Variants in PTPRT observed in about 807,000 individuals in gnomAD.
PTPRT encodes protein tyrosine phosphatase receptor type T.
PTPRT carries 56 observed loss-of-function variants against 176.8 expected under a neutral mutation model. The observed-to-expected ratio is 0.32, with a 90% CI of 0.26 to 0.40. The LOEUF is 0.40. Ranked by LOEUF, PTPRT falls within the 10% of genes least tolerant of loss-of-function variation. PTPRT has a pLI of 1.00. For missense variants in PTPRT, 1,540 were observed against 1,908.2 expected (o/e 0.81, Z 3.60); for synonymous variants, 783 against 739.0 (o/e 1.06, Z -0.96).
At chr20:42,705,158 T>C (rs557563593) in intron 6 of PTPRT, among the ~76,000 whole-genome samples, 13 of 152,198 alleles carry the variant, frequency 8.5e-5, no homozygotes, top group African/African-American at 2.2e-4. Flanking sequence ...TGAGCCAAGA[T>C]TGCACTACTG....
intron 2 of PTPRT, among the ~76,000 whole-genome samples, chr20:42,850,939 C>G (rs185367323): frequency 8.7e-4 from 132 of 152,262 alleles, no homozygotes; most frequent in African/African-American, 2.4e-3. Flanking sequence ...GGTCTCACTC[C>G]CCACAGACAT....
At chr20:42,722,432 T>G (rs752488161) in intron 6 of PTPRT, among the ~76,000 whole-genome samples, 3 of 152,210 alleles carry the variant, frequency 2.0e-5, no homozygotes, top group Non-Finnish European at 4.4e-5. Flanking sequence ...AAATAGTCTC[T>G]TCTCTGATCT....
the PTPRT span, among the ~76,000 whole-genome samples, chr20:42,037,562 A>G: frequency 1.1e-4 from 16 of 152,298 alleles, no homozygotes; most frequent in African/African-American, 3.8e-4. Context: ...GGGCTAGACA[A>G]GGGCAGGAGG....
chr20:42,330,870 A>T (rs1224793091), intron 11 of PTPRT, among the ~76,000 whole-genome samples: 1 of 152,190 alleles, frequency 6.6e-6, no homozygotes. Flanking sequence ...ACCTAAAAAG[A>T]AATGTGTTGG....
chr20:42,071,507 G>A (rs1600439618), downstream of PTPRT, among the ~76,000 whole-genome samples: 1 of 152,054 alleles, frequency 6.6e-6, no homozygotes, highest in East Asian at 1.9e-4. Context: ...CTCCTATCCT[G>A]GACCTATTGA....
At chr20:42,059,536 T>C in the PTPRT span, among the ~76,000 whole-genome samples, 18,902 of 152,206 alleles carry the variant, frequency 0.12, 2,982 homozygotes, top group African/African-American at 0.37. Flanking sequence ...TCTGCCATTT[T>C]TGACCTATAA....
At chr20:42,992,799 G>T (rs1245517024) in intron 1 of PTPRT, among the ~76,000 whole-genome samples, 4 of 152,160 alleles carry the variant, frequency 2.6e-5, no homozygotes, top group African/African-American at 9.6e-5. Flanking sequence ...ATCACATAGA[G>T]ACTGATGCAG....
intron 1 of PTPRT, among the ~76,000 whole-genome samples, chr20:42,926,766 T>C (rs1171008254): frequency 1.3e-5 from 2 of 152,166 alleles, no homozygotes; most frequent in African/African-American, 4.8e-5. Context: ...TTTGCCTGCA[T>C]GATTGTTGTG....
intron 1 of PTPRT, among the ~76,000 whole-genome samples, chr20:43,111,079 G>C (rs1211789398): frequency 1.3e-5 from 2 of 152,174 alleles, no homozygotes; most frequent in Non-Finnish European, 2.9e-5. Flanking sequence ...GGAAACATGA[G>C]TTATCGTGTG....
chr20:42,885,255 T>C (rs2079083975), intron 2 of PTPRT, among the ~76,000 whole-genome samples: 1 of 146,020 alleles, frequency 6.8e-6, no homozygotes, highest in Non-Finnish European at 1.5e-5. Flanking sequence ...ATGTAACATA[T>C]ATAATGTATA....
intron 17 of PTPRT, among the ~76,000 whole-genome samples, chr20:42,158,723 A>G (rs778993289): frequency 3.3e-5 from 5 of 152,238 alleles, no homozygotes; most frequent in Non-Finnish European, 7.3e-5. Flanking sequence ...AATATTTTCC[A>G]ATTAACCCTC....
intron 2 of PTPRT, among the ~76,000 whole-genome samples, chr20:42,843,293 G>A (rs921945809): frequency 1.3e-5 from 2 of 152,252 alleles, no homozygotes; most frequent in East Asian, 1.9e-4. Context: ...TGCCACACCC[G>A]GCCTTCGTAT....
rs544662211 is a variant in PTPRT, at chr20:43,179,344, T to C, written c.88+10302A>G. 3.3e-5 allele frequency among the ~76,000 whole-genome samples: 5 copies of C among 152,344 alleles called. No individual in the cohort carries two copies. In the South Asian group the frequency reaches 8.3e-4, roughly 25 times the overall value. On this transcript the variant is annotated intron_variant, in intron 1 of 30. Transcript: ENST00000373187. The stretch of plus-strand genomic sequence containing the variant: ...TATCATATTCTCTATGTTAGTTTTA[T>C]GGAGCCCATTTTTAAACCTCTGGAA...
intron 15 of PTPRT, among the ~76,000 whole-genome samples, chr20:42,217,321 G>T (rs2055795555): frequency 6.7e-6 from 1 of 149,744 alleles, no homozygotes; most frequent in African/African-American, 2.5e-5. Flanking sequence ...GTTGGAGTGA[G>T]CCGAGATCAC....
intron 16 of PTPRT, among the ~76,000 whole-genome samples, chr20:42,194,847 T>C (rs1185674227): frequency 6.6e-6 from 1 of 152,196 alleles, no homozygotes; most frequent in Non-Finnish European, 1.5e-5. Context: ...TCATTGTTCC[T>C]ATACAATATT....
At chr20:42,737,402 G>T (rs1002558598) in intron 6 of PTPRT, among the ~76,000 whole-genome samples, 1 of 152,096 alleles carries the variant, frequency 6.6e-6, no homozygotes, top group Non-Finnish European at 1.5e-5. Flanking sequence ...AGGCCAAGGT[G>T]GGCGGATCAC....
At chr20:42,469,888 C>A (rs1342759839) in intron 8 of PTPRT, among the ~76,000 whole-genome samples, 1 of 152,094 alleles carries the variant, frequency 6.6e-6, no homozygotes, top group Non-Finnish European at 1.5e-5. Context: ...TTTCCCTTGT[C>A]TTCTCATGAG....
intron 7 of PTPRT, among the ~76,000 whole-genome samples, chr20:42,591,609 G>GA (rs933605028): frequency 5.3e-5 from 8 of 152,022 alleles, no homozygotes; most frequent in Non-Finnish European, 1.5e-5. Flanking sequence ...CTCATTCCTG[G>GA]AAAAAACACA....
At chr20:42,647,735 G>T (rs917507503) in intron 7 of PTPRT, among the ~76,000 whole-genome samples, 1 of 152,140 alleles carries the variant, frequency 6.6e-6, no homozygotes, top group African/African-American at 2.4e-5. Flanking sequence ...TCAGAAACCC[G>T]CTAACAGGGA....
Sources: gnomAD v4.1 joint callset for allele counts (sites outside exome capture counted in the v4.1 genomes callset) on GRCh38, gnomAD v4.1.1 for gene constraint, MANE v1.5 for transcripts, NCBI Gene and HGNC (gene_info 2026-07-23, HGNC 2026-07-21) for gene names.